PRKAR2A: variants seen among roughly 807,000 people sequenced by gnomAD.
PRKAR2A encodes protein kinase cAMP-dependent type II regulatory subunit alpha, also known as cAMP-dependent protein kinase type II-alpha regulatory subunit.
In PRKAR2A, 29 loss-of-function variants were observed where a neutral mutation model predicts 51.9. The ratio of observed to expected loss-of-function variants is 0.56; its 90% CI spans 0.42 to 0.76. The LOEUF (loss-of-function observed/expected upper bound fraction) is 0.76, where lower values mean the gene tolerates loss of function less well. Among genes scored for constraint, PRKAR2A ranks in the 30% least tolerant of loss-of-function variants. The pLI, the probability that PRKAR2A is intolerant of heterozygous loss-of-function variation, is 0.00. For synonymous variants in PRKAR2A, 178 were observed against 186.2 expected (o/e 0.96, Z 0.36); for missense variants, 445 against 512.1 (o/e 0.87, Z 1.26).
Position 48,843,959 on chromosome 3 carries a change from T to A in PRKAR2A, c.262+3376A>T, listed in dbSNP as rs1375753982. Among the ~76,000 whole-genome samples the A allele has an allele frequency of 4.7e-5, 7 of 149,700 alleles. No homozygotes were observed. The East Asian group carries it at 1.4e-3, about 29-fold the overall frequency. On this transcript the variant is annotated intron_variant, in intron 1 of 10. Transcript: ENST00000265563. ...TTCATGTCTAAAACACCAAAAGCAA[T>A]GGCAACAAAAGCCAAAATTGACAAA...
intron 8 of PRKAR2A, among the ~76,000 whole-genome samples, chr3:48,758,187 G>A (rs540861843): frequency 8.8e-4 from 134 of 151,982 alleles, no homozygotes; most frequent in African/African-American, 3.2e-3. Flanking sequence ...AAACCTGGGA[G>A]GTGGAGGTTG....
At chr3:48,810,758 T>C (rs1430791748) in intron 1 of PRKAR2A, among the ~76,000 whole-genome samples, 1 of 152,172 alleles carries the variant, frequency 6.6e-6, no homozygotes, top group African/African-American at 2.4e-5. Context: ...ATAATCATTA[T>C]ATTATCATAT....
At chr3:48,773,962 G>C (rs1046034311) in intron 5 of PRKAR2A, among the ~76,000 whole-genome samples, 6 of 151,240 alleles carry the variant, frequency 4.0e-5, no homozygotes, top group Non-Finnish European at 8.8e-5. Flanking sequence ...TCAGCCCCGA[G>C]TAGCTGTGAC....
At chr3:48,800,088 G>T (rs556053563) in intron 2 of PRKAR2A, among the ~76,000 whole-genome samples, 31 of 152,008 alleles carry the variant, frequency 2.0e-4, no homozygotes, top group African/African-American at 7.5e-4. Flanking sequence ...TTGAACTCCT[G>T]ACCTTGTGAT....
chr3:48,833,578 G>GA (rs2083230314), intron 1 of PRKAR2A, among the ~76,000 whole-genome samples: 4 of 150,862 alleles, frequency 2.7e-5, no homozygotes, highest in African/African-American at 7.3e-5. Context: ...TGTGGTGTCA[G>GA]GCACCTGTGT....
chr3:48,804,228 A>C (rs2082635616), intron 2 of PRKAR2A, among the ~76,000 whole-genome samples: 1 of 152,176 alleles, frequency 6.6e-6, no homozygotes, highest in African/African-American at 2.4e-5. Flanking sequence ...TGGAAGGCCA[A>C]GCTAAGTGGA....
At chr3:48,762,505 C>T (rs1181088236) in intron 8 of PRKAR2A, among the ~76,000 whole-genome samples, 2 of 152,150 alleles carry the variant, frequency 1.3e-5, no homozygotes, top group African/African-American at 4.8e-5. Context: ...CAGAGTGACA[C>T]GTGCCTCTGG....
At chr3:48,818,799 A>G (rs1004768588) in intron 1 of PRKAR2A, among the ~76,000 whole-genome samples, 46 of 152,286 alleles carry the variant, frequency 3.0e-4, no homozygotes, top group African/African-American at 1.1e-3. Flanking sequence ...CACAAATTCA[A>G]TAAGGGTAGT....
intron 4 of PRKAR2A, among the ~76,000 whole-genome samples, chr3:48,785,258 A>ATTTTTTTTTT (rs1198962303): frequency 5.3e-4 from 66 of 123,884 alleles, no homozygotes; most frequent in African/African-American, 1.9e-3. Context: ...GGCCTGGATA[A>ATTTTTTTTTT]TTTTTTTTTT....
chr3:48,755,256 A>G (rs530584299), intron 9 of PRKAR2A, among the ~76,000 whole-genome samples: 95 of 152,034 alleles, frequency 6.2e-4, no homozygotes, highest in African/African-American at 2.3e-3. Context: ...TCAGCCTCCT[A>G]AAGTGCTGGG....
chr3:48,828,150 G>T (rs999705672), intron 1 of PRKAR2A, among the ~76,000 whole-genome samples: 1 of 152,192 alleles, frequency 6.6e-6, no homozygotes, highest in Non-Finnish European at 1.5e-5. Flanking sequence ...ACAGGCGTGA[G>T]CCAACGCACA....
intron 1 of PRKAR2A, among the ~76,000 whole-genome samples, chr3:48,826,091 C>T (rs2107420696): frequency 6.6e-6 from 1 of 152,246 alleles, no homozygotes; most frequent in South Asian, 2.1e-4. Flanking sequence ...AGAGAGACCC[C>T]CATCTCTATG....
rs1404346756 is a variant in PRKAR2A, at chr3:48,778,972, C to A, written c.542+4014G>T. Among the ~76,000 whole-genome samples the A allele has an allele frequency of 8.6e-5, 13 of 151,836 alleles. No individual in the cohort carries two copies. In the East Asian group the frequency reaches 2.5e-3, roughly 29 times the overall value. On this transcript the variant is annotated intron_variant, in intron 5 of 10. Transcript: ENST00000265563. ...TCCTAAGTAGCTGGGATTAAAGGCG[C>A]CCACCACCATGTCCAGCTAATTTTT...
intron 5 of PRKAR2A, 150 bp downstream of exon 5, chr3:48,782,836 G>T: frequency 1.6e-6 from 1 of 608,324 alleles, no homozygotes; most frequent in South Asian, 2.1e-5. Context: ...GGTAGAGAGG[G>T]ACAAGCTGTG....
At chr3:48,755,388 T>A (rs2081744316) in intron 9 of PRKAR2A, among the ~76,000 whole-genome samples, 1 of 151,902 alleles carries the variant, frequency 6.6e-6, no homozygotes, top group Non-Finnish European at 1.5e-5. Context: ...CTCTGTATTC[T>A]CAAAAAAGAA....
At chr3:48,814,234 G>A (rs186488339) in intron 1 of PRKAR2A, among the ~76,000 whole-genome samples, 90 of 151,818 alleles carry the variant, frequency 5.9e-4, no homozygotes, top group Admixed American at 1.6e-3. Flanking sequence ...GCGACAGAGC[G>A]AGAATCCGTC....
chr3:48,796,669 G>GT (rs1264041197), intron 2 of PRKAR2A, among the ~76,000 whole-genome samples: 31 of 97,190 alleles, frequency 3.2e-4, no homozygotes, highest in Admixed American at 9.2e-4. Context: ...GTAGAGACGG[G>GT]GTTTTTTTTT....
chr3:48,757,458 G>A (rs775104085), intron 8 of PRKAR2A, among the ~76,000 whole-genome samples: 16 of 152,140 alleles, frequency 1.1e-4, no homozygotes, highest in Non-Finnish European at 2.2e-4. Context: ...TTCTGTCCTT[G>A]TAGGTTTTGG....
At chr3:48,836,502 A>G (rs560450806) in intron 1 of PRKAR2A, among the ~76,000 whole-genome samples, 7 of 150,056 alleles carry the variant, frequency 4.7e-5, no homozygotes, top group African/African-American at 1.7e-4. Flanking sequence ...AAAATGTACC[A>G]AAGACTTAAA....
Sources: allele counts gnomAD v4.1 joint callset (sites outside exome capture counted in the v4.1 genomes callset), GRCh38; gene constraint gnomAD v4.1.1; transcripts MANE v1.5; gene names NCBI Gene and HGNC (gene_info 2026-07-23, HGNC 2026-07-21).